Variants in ADCY8 observed in about 807,000 individuals in gnomAD.
The protein encoded by ADCY8 is adenylate cyclase 8.
A neutral mutation model predicts 119.7 loss-of-function variants in ADCY8; 51 were observed. The ratio of observed to expected loss-of-function variants is 0.43; its 90% CI spans 0.34 to 0.54. The LOEUF (loss-of-function observed/expected upper bound fraction) is 0.54. Among genes scored for constraint, ADCY8 ranks in the 20% least tolerant of loss-of-function variants. ADCY8 has a pLI of 0.03. For missense variants in ADCY8, 1,383 were observed against 1,598.8 expected (o/e 0.87, Z 2.30); for synonymous variants, 665 against 651.0 (o/e 1.02, Z -0.33).
At chr8:130,828,304 G>A (rs1010822272) in intron 12 of ADCY8, among the ~76,000 whole-genome samples, 14 of 152,162 alleles carry the variant, frequency 9.2e-5, no homozygotes, top group African/African-American at 1.9e-4. Context: ...AAGGGAAGGC[G>A]TACTTGTGAT....
chr8:130,972,395 A>T (rs1045734528), intron 2 of ADCY8, among the ~76,000 whole-genome samples: 5 of 152,172 alleles, frequency 3.3e-5, no homozygotes, highest in African/African-American at 1.2e-4. Flanking sequence ...CAGGGCTGGG[A>T]TCAATTTGCA....
intron 4 of ADCY8, among the ~76,000 whole-genome samples, chr8:130,942,250 C>A (rs897497401): frequency 2.6e-5 from 4 of 152,144 alleles, no homozygotes; most frequent in Non-Finnish European, 5.9e-5. Context: ...GTGGATAATC[C>A]TATTTTTATT....
intron 5 of ADCY8, among the ~76,000 whole-genome samples, chr8:130,915,671 A>G (rs1305637758): frequency 2.6e-5 from 4 of 152,312 alleles, no homozygotes; most frequent in Non-Finnish European, 5.9e-5. Flanking sequence ...TGAACACTCA[A>G]AAATAGTACC....
chr8:130,972,058 G>A (rs1173435933), intron 2 of ADCY8, among the ~76,000 whole-genome samples: 1 of 152,150 alleles, frequency 6.6e-6, no homozygotes, highest in African/African-American at 2.4e-5. Context: ...CTACCTAGAA[G>A]CAGACCATAA....
chr8:131,013,964 A>G (rs1823390310), intron 1 of ADCY8, among the ~76,000 whole-genome samples: 1 of 152,208 alleles, frequency 6.6e-6, no homozygotes, highest in African/African-American at 2.4e-5. Context: ...TTAGCCTAAG[A>G]AAAATGAAAA....
At chr8:130,939,047 T>G (rs759164367) in intron 4 of ADCY8, among the ~76,000 whole-genome samples, 14 of 151,216 alleles carry the variant, frequency 9.3e-5, no homozygotes, top group East Asian at 3.9e-4. Flanking sequence ...TCAGTGGGAC[T>G]GTTATGGAAA....
At chr8:130,995,715 A>T (rs1191676253) in intron 1 of ADCY8, among the ~76,000 whole-genome samples, 1 of 151,964 alleles carries the variant, frequency 6.6e-6, no homozygotes, top group Non-Finnish European at 1.5e-5. Flanking sequence ...TGGCTTTATT[A>T]TAGTTTTCTC....
At chr8:130,948,493 G>A (rs1280883546) in intron 3 of ADCY8, among the ~76,000 whole-genome samples, 2 of 152,076 alleles carry the variant, frequency 1.3e-5, no homozygotes, top group African/African-American at 2.4e-5. Context: ...TCTTGCCAAG[G>A]GTGTGGCTAC....
intron 2 of ADCY8, among the ~76,000 whole-genome samples, chr8:130,985,857 T>C (rs1423063750): frequency 6.6e-6 from 1 of 152,170 alleles, no homozygotes; most frequent in Non-Finnish European, 1.5e-5. Flanking sequence ...TTAATACAGC[T>C]AAAACATCTG....
chr8:130,794,113 A>G (rs1284014159), intron 15 of ADCY8, among the ~76,000 whole-genome samples: 1 of 152,130 alleles, frequency 6.6e-6, no homozygotes, highest in Non-Finnish European at 1.5e-5. Context: ...GCCAGCCACC[A>G]CCAGAAGCTG....
intron 3 of ADCY8, among the ~76,000 whole-genome samples, chr8:130,950,689 C>T (rs116061903): frequency 0.023 from 3,430 of 152,206 alleles, 155 homozygotes; most frequent in African/African-American, 0.077. Flanking sequence ...ATGACATAAC[C>T]TTTCAATACG....
chr8:130,814,000 A>T, intron 14 of ADCY8, 69 bp downstream of exon 14: 3 of 1,568,854 alleles, frequency 1.9e-6, no homozygotes, highest in Non-Finnish European at 2.6e-6. Context: ...AGAGTTTGGG[A>T]TCAATGTGAA....
At chr8:130,973,019 A>G (rs1193972421) in intron 2 of ADCY8, among the ~76,000 whole-genome samples, 1 of 152,196 alleles carries the variant, frequency 6.6e-6, no homozygotes, top group African/African-American at 2.4e-5. Context: ...TTTACACTTT[A>G]AACCCTTAAC....
In ADCY8 at chr8:130,844,249, T is replaced by C. The variant is rs971163822; in HGVS notation, c.2502+3175A>G. On this transcript the variant is annotated intron_variant, in intron 11 of 17. Coordinates refer to ENST00000286355, the MANE Select transcript of ADCY8 (RefSeq NM_001115.3). The stretch of plus-strand genomic sequence containing the variant: ...GACACTCTGGGTTTGTGCATGTGAT[T>C]TGCATTCATTTCACAAACCTGTGCC... 5.3e-5 allele frequency among the ~76,000 whole-genome samples: 8 copies of C among 152,180 alleles called. No individual in the cohort carries two copies. In the East Asian group the frequency reaches 1.2e-3, roughly 22 times the overall value.
At chr8:130,893,141 G>T (rs1373682035) in intron 7 of ADCY8, among the ~76,000 whole-genome samples, 1 of 152,140 alleles carries the variant, frequency 6.6e-6, no homozygotes, top group Non-Finnish European at 1.5e-5. Context: ...ACAGAACTTG[G>T]CACACTCATT....
At position 130,992,392 on chromosome 8, in the gene ADCY8, T is replaced by TTGAGCAACTGTGCCTGGCAC. The variant is rs1563758978; in HGVS notation, c.961-1851_961-1850insGTGCCAGGCACAGTTGCTCA. On this transcript the variant is annotated intron_variant, in intron 1 of 17. Coordinates refer to ENST00000286355, the MANE Select transcript of ADCY8 (RefSeq NM_001115.3). ...AGCAACTGTATCTGGCATATATATATATATATATATATATATATATATATA... is the reference window on the plus strand; with the variant it reads ...AGCAACTGTATCTGGCATATATATATTGAGCAACTGTGCCTGGCACATATATATATATATATATATATATA... Among the ~76,000 whole-genome samples, 35 of 105,730 alleles carry TTGAGCAACTGTGCCTGGCAC rather than the reference T, an allele frequency of 3.3e-4. 1 individual carries two copies. Among genetic ancestry groups the TTGAGCAACTGTGCCTGGCAC allele is most frequent in the African/African-American group, 1.6e-3 (33 of 20,058 alleles). The allele number at this position is 105,730 out of a possible 152,430, so 69.4% of individuals were successfully genotyped here.
At chr8:130,870,544 T>C (rs1173779432) in intron 8 of ADCY8, among the ~76,000 whole-genome samples, 2 of 152,140 alleles carry the variant, frequency 1.3e-5, no homozygotes, top group African/African-American at 2.4e-5. Context: ...AAGCAGGGCA[T>C]CTCAGGATTC....
intron 1 of ADCY8, among the ~76,000 whole-genome samples, chr8:131,001,574 TTATA>T (rs34473088): frequency 0.024 from 3,543 of 148,002 alleles, 48 homozygotes; most frequent in East Asian, 0.055. Context: ...ATATTATATA[TTATA>T]TATATCTAAT....
chr8:130,938,346 A>C (rs918490227), intron 4 of ADCY8, among the ~76,000 whole-genome samples: 1 of 152,158 alleles, frequency 6.6e-6, no homozygotes, highest in Non-Finnish European at 1.5e-5. Flanking sequence ...TCTATGAGGA[A>C]GAGTTGGACT....
Sources: gnomAD v4.1 joint callset for allele counts (sites outside exome capture counted in the v4.1 genomes callset) on GRCh38, gnomAD v4.1.1 for gene constraint, MANE v1.5 for transcripts, NCBI Gene and HGNC (gene_info 2026-07-23, HGNC 2026-07-21) for gene names.